The following NEUROD2 variants were observed in gnomAD, a reference collection of about 807,000 sequenced individuals.
NEUROD2 encodes neurogenic differentiation factor 2.
In NEUROD2, 5 loss-of-function variants were observed where a neutral mutation model predicts 9.3. The ratio of observed to expected loss-of-function variants is 0.54; its 90% CI spans 0.28 to 1.13. The LOEUF is 1.13. Ranked by LOEUF, NEUROD2 falls within the 50% of genes most tolerant of loss-of-function variation. The pLI, the probability that NEUROD2 is intolerant of heterozygous loss-of-function variation, is 0.10. For missense variants in NEUROD2, 376 were observed against 549.2 expected, an observed-to-expected ratio of 0.68 and a Z score of 3.15; for synonymous variants, 277 against 257.3, an observed-to-expected ratio of 1.08 and a Z score of -0.73.
At position 39,605,332 on chromosome 17, in the gene NEUROD2, C is replaced by A. The variant is rs1018435851; in HGVS notation, c.*119G>T. Reference sequence around the variant, plus strand: ...CGCTGCCCCAGGAGAGCGGCAGGACCGGTGGCCCGCTCCCCGCGCCCGGCG... The same window carrying A: ...CGCTGCCCCAGGAGAGCGGCAGGACAGGTGGCCCGCTCCCCGCGCCCGGCG... On this transcript the variant is annotated 3_prime_UTR_variant, in exon 2 of 2. Coordinates refer to ENST00000302584, the MANE Select transcript of NEUROD2 (RefSeq NM_006160.4). This position sits in a 1 kb window ranked among gnomAD's most constrained non-coding sequence, Gnocchi z 6.8. 3 of 1,333,922 alleles carry A rather than the reference C, an allele frequency of 2.2e-6. No homozygotes were observed. The highest frequency in any genetic ancestry group is 2.8e-5 in the Admixed American group (1 of 35,646). 82.6% of individuals were successfully genotyped at this position (1,333,922 alleles called of 1,614,324 possible).
Position 39,605,371 on chromosome 17 carries a change from G to A in NEUROD2, c.*80C>T, listed in dbSNP as rs1019723740. 2.8e-6 allele frequency: 4 copies of A among 1,445,180 alleles called. No individual in the cohort carries two copies. In the African/African-American group the frequency reaches 4.3e-5, roughly 16 times the overall value. 89.5% of individuals were successfully genotyped at this position (1,445,180 alleles called of 1,614,324 possible). Reference sequence around the variant, plus strand: ...CCGCGCCCGGCGCCGGGGTAGGATGGGGGTGTCCCTGCGCTCTGGGGGCTG... The same window carrying A: ...CCGCGCCCGGCGCCGGGGTAGGATGAGGGTGTCCCTGCGCTCTGGGGGCTG... On this transcript the variant is annotated 3_prime_UTR_variant, in exon 2 of 2. Coordinates refer to ENST00000302584, the MANE Select transcript of NEUROD2 (RefSeq NM_006160.4). This position sits in a 1 kb window ranked among gnomAD's most constrained non-coding sequence, Gnocchi z 6.8.
In NEUROD2 at chr17:39,606,594, C is replaced by A; in HGVS notation, c.6G>T (p.Leu2=). 1 of 1,568,332 alleles carries A rather than the reference C, an allele frequency of 6.4e-7. No homozygotes were observed. The highest frequency in any genetic ancestry group is 8.6e-7 in the Non-Finnish European group (1 of 1,168,610). M[L]TRLFSEPGLL... ...GGCCGGGCTCGCTGAACAGGCGGGT[C>A]AGCATGGTGCCTGAGGGCGCCCCGC... is the stretch of plus-strand genomic sequence containing the variant. The change falls in exon 2 of 2, where the codon CTG becomes CTT. Residue 2 remains leucine, a synonymous_variant. Transcript: ENST00000302584. The surrounding 1 kb of genome is among the most constrained non-coding windows in gnomAD (Gnocchi z 7.8).
Position 39,607,725 on chromosome 17 carries a change from T to C in NEUROD2, c.-6+3A>G, listed in dbSNP as rs2056775732. On this transcript the variant is annotated splice_donor_region_variant and intron_variant, in intron 1 of 1. Coordinates refer to ENST00000302584, the MANE Select transcript of NEUROD2 (RefSeq NM_006160.4). ...AGATCTCGCTCCCTTTCGGACAACT[T>C]ACCTCGGAGAGGAGTCAAGGGGAGA... The C allele has an allele frequency of 1.0e-5, 5 of 501,100 alleles. No individual in the cohort carries two copies. In the South Asian group the frequency reaches 4.5e-4, roughly 45 times the overall value. 31.0% of individuals were successfully genotyped at this position (501,100 alleles called of 1,614,324 possible).
rs1366328120 is a variant in NEUROD2, at chr17:39,605,458, T to G, written c.1142A>C (p.His381Pro). The stretch of plus-strand genomic sequence containing the variant: ...GGGAGCCGGCGCGAAGTCTCAGTTA[T>G]GAAAAAACGCATTGAGCTCCTCGTA... ...PMYEELNAFF[H>P]N The change falls in exon 2 of 2, where the codon CAT (histidine) becomes CCT (proline). Residue 381 changes from histidine to proline, a missense_variant. This residue lies in a region of NEUROD2 where 193 missense variants were observed against 255.8 expected (regional missense o/e 0.75). Coordinates refer to ENST00000302584, the MANE Select transcript of NEUROD2 (RefSeq NM_006160.4). The surrounding 1 kb of genome is among the most constrained non-coding windows in gnomAD (Gnocchi z 6.8). The G allele has an allele frequency of 6.3e-7, 1 of 1,575,680 alleles. No homozygotes were observed. Among genetic ancestry groups the G allele is most frequent in the South Asian group, 1.1e-5 (1 of 87,866 alleles).
At position 39,605,567 on chromosome 17, in the gene NEUROD2, C is replaced by T; in HGVS notation, c.1033G>A (p.Gly345Ser). The part of the protein sequence containing the change: ...SRPTGHGLVF[G>S]SSAVRGGVHS... ...ACGCCCCCGCGCACAGCCGACGAGCCGAAGACTAGCCCGTGGCCCGTGGGC... is the reference window on the plus strand; with the variant it reads ...ACGCCCCCGCGCACAGCCGACGAGCTGAAGACTAGCCCGTGGCCCGTGGGC... The change falls in exon 2 of 2, where the codon GGC (glycine) becomes AGC (serine). Residue 345 changes from glycine (G) to serine (S), a missense_variant. Physicochemically the swap from Gly to Ser is moderately conservative, Grantham distance 56. Coordinates refer to ENST00000302584, the MANE Select transcript of NEUROD2 (RefSeq NM_006160.4). The surrounding 1 kb of genome is among the most constrained non-coding windows in gnomAD (Gnocchi z 6.8). 6.2e-7 allele frequency: 1 copy of T among 1,613,696 alleles called. No homozygotes were observed. Among genetic ancestry groups the T allele is most frequent in the Non-Finnish European group, 8.5e-7 (1 of 1,179,882 alleles).
In NEUROD2 at chr17:39,606,492, C is replaced by T. The variant is rs1266413556; in HGVS notation, c.108G>A (p.Ala36=). 1 of 1,541,612 alleles carries T rather than the reference C, an allele frequency of 6.5e-7. No homozygotes were observed. The highest frequency in any genetic ancestry group is 1.2e-5 in the South Asian group (1 of 84,780). The change falls in exon 2 of 2, where the codon GCG becomes GCA. Residue 36 remains alanine, a synonymous_variant. Coordinates refer to ENST00000302584, the MANE Select transcript of NEUROD2 (RefSeq NM_006160.4). This position sits in a 1 kb window ranked among gnomAD's most constrained non-coding sequence, Gnocchi z 7.8. ...CGGGCGCAGGCGGTGGCGGTGGCGG[C>T]GCGTCGCCCTTGTCGCTCCTCGGCT... ...DDEPRSDKGD[A]PPPPPPAPGP... is the part of the protein sequence containing the mutation.
chr17:39,606,670 C>A lies in NEUROD2; in HGVS notation c.-5-66G>T. The A allele has an allele frequency of 7.1e-6, 10 of 1,413,098 alleles. No homozygotes were observed. Among genetic ancestry groups the A allele is most frequent in the Admixed American group, 2.6e-5 (1 of 37,912 alleles). The allele number at this position is 1,413,098 out of a possible 1,614,324, so 87.5% of individuals were successfully genotyped here. A position where few individuals can be genotyped will look rare whatever the true frequency, so the allele number is the denominator to read the frequency against. On this transcript the variant is annotated intron_variant, in intron 1 of 1. Transcript: ENST00000302584. The surrounding 1 kb of genome is among the most constrained non-coding windows in gnomAD (Gnocchi z 7.8). Reference sequence around the variant, plus strand: ...CAAAGTGAGGGGCGCGCTGGGGTACCGACGCCCCCCCACAACCCTCCTCCA... The same window carrying A: ...CAAAGTGAGGGGCGCGCTGGGGTACAGACGCCCCCCCACAACCCTCCTCCA...
At position 39,605,401 on chromosome 17, in the gene NEUROD2, CA is replaced by C. The variant is rs753048184; in HGVS notation, c.*49del. On this transcript the variant is annotated 3_prime_UTR_variant, in exon 2 of 2. Coordinates refer to ENST00000302584, the MANE Select transcript of NEUROD2 (RefSeq NM_006160.4). The surrounding 1 kb of genome is among the most constrained non-coding windows in gnomAD (Gnocchi z 6.8). Reference sequence around the variant, plus strand: ...GTCCCTGCGCTCTGGGGGCTGGGGACAGGGGGGCGGGCAAAGGCAAAAGAAA... The same window carrying C: ...GTCCCTGCGCTCTGGGGGCTGGGGACGGGGGGCGGGCAAAGGCAAAAGAAA... 1.6e-5 allele frequency: 24 copies of C among 1,482,130 alleles called. No homozygotes were observed. The highest frequency in any genetic ancestry group is 2.1e-4 in the Middle Eastern group (1 of 4,814). The allele number at this position is 1,482,130 out of a possible 1,614,324, so 91.8% of individuals were successfully genotyped here.
chr17:39,605,853 T>G lies in NEUROD2; in HGVS notation c.747A>C (p.Ala249=), dbSNP rs1416069725. The G allele has an allele frequency of 2.7e-6, 4 of 1,488,640 alleles. No homozygotes were observed. In the South Asian group the frequency reaches 5.3e-5, roughly 20 times the overall value. 92.2% of individuals were successfully genotyped at this position (1,488,640 alleles called of 1,614,324 possible). The part of the protein sequence containing the change: ...YPYPCSRLAG[A]QCQAAGGLGG... ...CCAGGCCGCCGGCCGCCTGGCACTG[T>G]GCGCCCGCCAGGCGCGAGCACGGGT... The change falls in exon 2 of 2, where the codon GCA becomes GCC. Residue 249 remains alanine (A), a synonymous_variant. Coordinates refer to ENST00000302584, the MANE Select transcript of NEUROD2 (RefSeq NM_006160.4). This position sits in a 1 kb window ranked among gnomAD's most constrained non-coding sequence, Gnocchi z 6.8.
Position 39,606,669 on chromosome 17 carries a change from C to G in NEUROD2, c.-5-65G>C. 1 of 1,415,220 alleles carries G rather than the reference C, an allele frequency of 7.1e-7. No homozygotes were observed. The highest frequency in any genetic ancestry group is 9.3e-7 in the Non-Finnish European group (1 of 1,078,874). 87.7% of individuals were successfully genotyped at this position (1,415,220 alleles called of 1,614,324 possible). ...ACAAAGTGAGGGGCGCGCTGGGGTA[C>G]CGACGCCCCCCCACAACCCTCCTCC... On this transcript the variant is annotated intron_variant, in intron 1 of 1. Transcript: ENST00000302584. This position sits in a 1 kb window ranked among gnomAD's most constrained non-coding sequence, Gnocchi z 7.8.
chr17:39,605,841 C>A lies in NEUROD2; in HGVS notation c.759G>T (p.Ala253=). The change falls in exon 2 of 2, where the codon GCG becomes GCT. Residue 253 remains alanine, a synonymous_variant. Transcript: ENST00000302584. This position sits in a 1 kb window ranked among gnomAD's most constrained non-coding sequence, Gnocchi z 6.8. The part of the protein sequence containing the change: ...CSRLAGAQCQ[A]AGGLGGGAAH... ...CCGCGCCGCCGCCCAGGCCGCCGGC[C>A]GCCTGGCACTGTGCGCCCGCCAGGC... is the stretch of plus-strand genomic sequence containing the variant. 7.3e-7 allele frequency: 1 copy of A among 1,368,622 alleles called. No homozygotes were observed. Among genetic ancestry groups the A allele is most frequent in the Non-Finnish European group, 9.4e-7 (1 of 1,067,008 alleles). The allele number at this position is 1,368,622 out of a possible 1,614,324, so 84.8% of individuals were successfully genotyped here. A position where few individuals can be genotyped will look rare whatever the true frequency, so the allele number is the denominator to read the frequency against.
In NEUROD2 at chr17:39,606,743, C is replaced by T. The variant is rs1033641834; in HGVS notation, c.-5-139G>A. The stretch of plus-strand genomic sequence containing the variant: ...CTGCCTAGGCTACCCTGGATGCCCA[C>T]CTCCGCCGCCTGCCCCGCCCAGAGC... On this transcript the variant is annotated intron_variant, in intron 1 of 1. Coordinates refer to ENST00000302584, the MANE Select transcript of NEUROD2 (RefSeq NM_006160.4). The surrounding 1 kb of genome is among the most constrained non-coding windows in gnomAD (Gnocchi z 7.8). 43 of 896,872 alleles carry T rather than the reference C, an allele frequency of 4.8e-5. 1 individual carries two copies. The highest frequency in any genetic ancestry group is 7.6e-5 in the Admixed American group (2 of 26,402). 55.6% of individuals were successfully genotyped at this position (896,872 alleles called of 1,614,324 possible). A position where few individuals can be genotyped will look rare whatever the true frequency, so the allele number is the denominator to read the frequency against.
At position 39,606,380 on chromosome 17, in the gene NEUROD2, T is replaced by C; in HGVS notation, c.220A>G (p.Lys74Glu). 6.4e-7 allele frequency: 1 copy of C among 1,559,308 alleles called. No individual in the cohort carries two copies. The highest frequency in any genetic ancestry group is 8.7e-7 in the Non-Finnish European group (1 of 1,154,658). The change falls in exon 2 of 2, where the codon AAG becomes GAG. Residue 74 changes from lysine to glutamate, a missense_variant. This residue lies in a region of NEUROD2 where 134 missense variants were observed against 133.6 expected (regional missense o/e 1.00). Coordinates refer to ENST00000302584, the MANE Select transcript of NEUROD2 (RefSeq NM_006160.4). This position sits in a 1 kb window ranked among gnomAD's most constrained non-coding sequence, Gnocchi z 7.8. The part of the protein sequence containing the change: ...EGTEATLAEV[K>E]EEGELGGEEE... ...TCTCCCCCCAGCTCGCCTTCCTCCT[T>C]GACCTCGGCCAACGTGGCCTCCGTC...
rs1391794130 is a variant in NEUROD2, at chr17:39,605,826, G to A, written c.774C>T (p.Gly258=). The part of the protein sequence containing the change: ...GAQCQAAGGL[G]GGAAHALRTH... ...TCCGCAGGGCGTGCGCCGCGCCGCC[G>A]CCCAGGCCGCCGGCCGCCTGGCACT... The change falls in exon 2 of 2, where the codon GGC becomes GGT. Residue 258 remains glycine (G), a synonymous_variant. Coordinates refer to ENST00000302584, the MANE Select transcript of NEUROD2 (RefSeq NM_006160.4). This position sits in a 1 kb window ranked among gnomAD's most constrained non-coding sequence, Gnocchi z 6.8. 31 of 1,366,870 alleles carry A rather than the reference G, an allele frequency of 2.3e-5. No individual in the cohort carries two copies. The highest frequency in any genetic ancestry group is 2.8e-5 in the Non-Finnish European group (30 of 1,066,728). 84.7% of individuals were successfully genotyped at this position (1,366,870 alleles called of 1,614,324 possible).
In NEUROD2 at chr17:39,604,573, G is replaced by A. The variant is rs1462563817; in HGVS notation, c.*878C>T. ...GGGCGGGGCATCCCGGGGCCGGGCC[G>A]GGCCGCGAGGCTCAGTGGAGCCTCC... On this transcript the variant is annotated 3_prime_UTR_variant, in exon 2 of 2. Transcript: ENST00000302584. 2 of 151,934 alleles carry A rather than the reference G, an allele frequency of 1.3e-5. No individual in the cohort carries two copies. The highest frequency in any genetic ancestry group is 1.9e-4 in the East Asian group (1 of 5,134). The allele number at this position is 151,934 out of a possible 1,614,324, so 9.4% of individuals were successfully genotyped here.
Position 39,604,643 on chromosome 17 carries a change from T to C in NEUROD2, c.*808A>G. The C allele has an allele frequency of 6.6e-6, 1 of 152,076 alleles. No individual in the cohort carries two copies. Among genetic ancestry groups the C allele is most frequent in the Non-Finnish European group, 1.5e-5 (1 of 67,970 alleles). The allele number at this position is 152,076 out of a possible 1,614,324, so 9.4% of individuals were successfully genotyped here. A position where few individuals can be genotyped will look rare whatever the true frequency, so the allele number is the denominator to read the frequency against. On this transcript the variant is annotated 3_prime_UTR_variant, in exon 2 of 2. Coordinates refer to ENST00000302584, the MANE Select transcript of NEUROD2 (RefSeq NM_006160.4). ...TTTGATTATTGGTAGTAGTGGTTTT[T>C]TTTTGTTTGTTTTTTTGTTTTTTGT...
At position 39,604,088 on chromosome 17, in the gene NEUROD2, A is replaced by C. The variant is rs1272333902; in HGVS notation, c.*1363T>G. The stretch of plus-strand genomic sequence containing the variant: ...GCCAAGAGGACTCCTTGGACCAAAA[A>C]ATACTCTCTCCAGACACCGGAAATC... On this transcript the variant is annotated 3_prime_UTR_variant, in exon 2 of 2. Coordinates refer to ENST00000302584, the MANE Select transcript of NEUROD2 (RefSeq NM_006160.4). 1.3e-5 allele frequency: 2 copies of C among 152,512 alleles called. No homozygotes were observed. The highest frequency in any genetic ancestry group is 2.9e-5 in the Non-Finnish European group (2 of 68,008). 9.4% of individuals were successfully genotyped at this position (152,512 alleles called of 1,614,324 possible). A position where few individuals can be genotyped will look rare whatever the true frequency, so the allele number is the denominator to read the frequency against.
Position 39,605,209 on chromosome 17 carries a change from T to TGGGAGAGAGGAGGAGGGAACCCCTTG in NEUROD2, c.*216_*241dup. On this transcript the variant is annotated 3_prime_UTR_variant, in exon 2 of 2. Coordinates refer to ENST00000302584, the MANE Select transcript of NEUROD2 (RefSeq NM_006160.4). The surrounding 1 kb of genome is among the most constrained non-coding windows in gnomAD (Gnocchi z 6.8). ...GAGAGGTCCCTGGAGAAGCACTCCT[T>TGGGAGAGAGGAGGAGGGAACCCCTTG]GGGAGAGAGGAGGAGGGAACCCCTT... 2.3e-6 allele frequency: 1 copy of TGGGAGAGAGGAGGAGGGAACCCCTTG among 429,496 alleles called. No homozygotes were observed. 26.6% of individuals were successfully genotyped at this position (429,496 alleles called of 1,614,324 possible).
Position 39,605,282 on chromosome 17 carries a change from A to T in NEUROD2, c.*169T>A. On this transcript the variant is annotated 3_prime_UTR_variant, in exon 2 of 2. Transcript: ENST00000302584. This position sits in a 1 kb window ranked among gnomAD's most constrained non-coding sequence, Gnocchi z 6.8. ...CTGGGGGAAGCGAGGCCCCTGGGAC[A>T]GGCCACCCACAGGTAACAGGACTGC... is the stretch of plus-strand genomic sequence containing the variant. 2 of 844,850 alleles carry T rather than the reference A, an allele frequency of 2.4e-6. No individual in the cohort carries two copies. The highest frequency in any genetic ancestry group is 3.5e-6 in the Non-Finnish European group (2 of 572,194). The allele number at this position is 844,850 out of a possible 1,614,324, so 52.3% of individuals were successfully genotyped here.
Sources: gnomAD v4.1 joint callset for allele counts on GRCh38, gnomAD v4.1.1 for gene constraint, gnomAD v4.1.1 regional missense constraint, Gnocchi (gnomAD v3.1) non-coding constraint, MANE v1.5 for transcripts, NCBI Gene and HGNC (gene_info 2026-07-23, HGNC 2026-07-21) for gene names.